CANT1: variants seen among roughly 807,000 people sequenced by gnomAD.
The protein encoded by CANT1 is soluble calcium-activated nucleotidase 1.
CANT1 carries 26 observed loss-of-function variants against 30.0 expected under a neutral mutation model. That is an observed-to-expected ratio of 0.87 (90% CI 0.64 to 1.20). The LOEUF is 1.20. Ranked by LOEUF, CANT1 falls within the 50% of genes most tolerant of loss-of-function variation. CANT1 has a pLI of 0.00. For missense variants in CANT1, 518 were observed against 563.0 expected (o/e 0.92, Z 0.81); for synonymous variants, 246 against 251.8 (o/e 0.98, Z 0.22).
intron 1 of CANT1, among the ~76,000 whole-genome samples, chr17:79,000,699 G>T (rs2071225120): frequency 6.6e-6 from 1 of 152,188 alleles, no homozygotes; most frequent in Non-Finnish European, 1.5e-5. Flanking sequence ...ACTGGCCCTG[G>T]CAGAGCCTGC....
At position 78,998,103 on chromosome 17, in the gene CANT1, G is replaced by A. The variant is rs2071105649; in HGVS notation, c.-146-140C>T. Reference sequence around the variant, plus strand: ...GGAAGCCCTCCCTGACTGCCCTGCTGCAGACATCACCCTCCGTCCCTGGGT... The same window carrying A: ...GGAAGCCCTCCCTGACTGCCCTGCTACAGACATCACCCTCCGTCCCTGGGT... On this transcript the variant is annotated intron_variant, in intron 1 of 4. Coordinates refer to ENST00000392446, the MANE Select transcript of CANT1 (RefSeq NM_001159773.2). The surrounding 1 kb of genome is among the most constrained non-coding windows in gnomAD (Gnocchi z 4.5). The A allele has an allele frequency of 1.0e-5, 2 of 191,538 alleles. No individual in the cohort carries two copies. The highest frequency in any genetic ancestry group is 5.9e-5 in the Admixed American group (1 of 16,874). 11.9% of individuals were successfully genotyped at this position (191,538 alleles called of 1,614,324 possible).
rs765810061 is a variant in CANT1 at position 78,993,674 on chromosome 17, A to G, written c.1082T>C (p.Leu361Pro). The stretch of plus-strand genomic sequence containing the variant: ...TCTGCCGCTGTCCTCCTCGGATTTG[A>G]GGGCCACAATGATCTGGTCGTCGGT... ...PNTDDQIIVA[L>P]KSEEDSGRVA... The change falls in exon 5 of 5, where the codon CTC becomes CCC. Residue 361 changes from leucine to proline, a missense_variant. By Grantham distance (98) the Leu-to-Pro change is moderately conservative. This residue lies in a region of CANT1 where 221 missense variants were observed against 211.8 expected (regional missense o/e 1.04). Coordinates refer to ENST00000392446, the MANE Select transcript of CANT1 (RefSeq NM_001159773.2). The surrounding 1 kb of genome is among the most constrained non-coding windows in gnomAD (Gnocchi z 4.5). 1.2e-6 allele frequency: 2 copies of G among 1,614,212 alleles called. No individual in the cohort carries two copies. Among genetic ancestry groups the G allele is most frequent in the South Asian group, 2.2e-5 (2 of 91,088 alleles).
Position 78,993,354 on chromosome 17 carries a change from A to G in CANT1, c.*196T>C, listed in dbSNP as rs1366644526. 1.5e-6 allele frequency: 1 copy of G among 678,856 alleles called. No individual in the cohort carries two copies. 42.1% of individuals were successfully genotyped at this position (678,856 alleles called of 1,614,324 possible). On this transcript the variant is annotated 3_prime_UTR_variant, in exon 5 of 5. Transcript: ENST00000392446. The surrounding 1 kb of genome is among the most constrained non-coding windows in gnomAD (Gnocchi z 4.5). ...AATCACCACCAGATGGCAGCATGGA[A>G]AGCAGTTCAGACCGCGGCCTCCGTG...
chr17:79,004,214 A>T (rs1268027074), intron 1 of CANT1, among the ~76,000 whole-genome samples: 1 of 21,004 alleles, frequency 4.8e-5, no homozygotes, highest in East Asian at 1.3e-3. Context: ...TAGGGAGGGG[A>T]GTTAGGGAGA....
chr17:78,997,118 C>G lies in CANT1; in HGVS notation c.505G>C (p.Asp169His). 1 of 1,614,186 alleles carries G rather than the reference C, an allele frequency of 6.2e-7. No individual in the cohort carries two copies. The highest frequency in any genetic ancestry group is 1.1e-5 in the South Asian group (1 of 91,084). Residue 169 changes from aspartate (D) to histidine (H), a missense_variant, in exon 3 of 5, where the codon GAC (aspartate) becomes CAC (histidine). Coordinates refer to ENST00000392446, the MANE Select transcript of CANT1 (RefSeq NM_001159773.2). The surrounding 1 kb of genome is among the most constrained non-coding windows in gnomAD (Gnocchi z 7.5). ...AGTTTCCCATTGAAAACAATCAGGT[C>G]GGATAGCTCCATGCCTCTCCCCTTC... ...AEKGRGMELS[D>H]LIVFNGKLYS... is the part of the protein sequence containing the mutation.
In CANT1 at chr17:78,995,446, C is replaced by A. The variant is rs1333751487; in HGVS notation, c.632-225G>T. The stretch of plus-strand genomic sequence containing the variant: ...GACCACTCTCAAGTCTCCTCTGATC[C>A]CCAACTCCCCGCTCCTCAAGCTGTA... On this transcript the variant is annotated intron_variant, in intron 3 of 4. Transcript: ENST00000392446. The surrounding 1 kb of genome is among the most constrained non-coding windows in gnomAD (Gnocchi z 5.7). 6.6e-6 allele frequency among the ~76,000 whole-genome samples: 1 copy of A among 152,208 alleles called. No homozygotes were observed. The highest frequency in any genetic ancestry group is 1.5e-5 in the Non-Finnish European group (1 of 68,040).
At chr17:79,006,384 T>C (rs563679797) in intron 1 of CANT1, among the ~76,000 whole-genome samples, 292 of 146,942 alleles carry the variant, frequency 2.0e-3, no homozygotes, top group Middle Eastern at 3.4e-3. Flanking sequence ...CAGGATCATC[T>C]CACTACTTTA....
rs146866436 is a variant in CANT1, at chr17:78,993,461, C to T, written c.*89G>A. 1.6e-3 allele frequency: 2,592 copies of T among 1,593,216 alleles called. 7 individuals carry two copies. The highest frequency in any genetic ancestry group is 1.8e-3 in the South Asian group (163 of 89,286). On this transcript the variant is annotated 3_prime_UTR_variant, in exon 5 of 5. Transcript: ENST00000392446. The surrounding 1 kb of genome is among the most constrained non-coding windows in gnomAD (Gnocchi z 4.5). ...CAGACCTCCAACCCAGGCACAGTTC[C>T]AAAAAGAACAAAACAAAACAAAAGT...
At position 78,993,652 on chromosome 17, in the gene CANT1, G is replaced by A; in HGVS notation, c.1104C>T (p.Gly368=). The A allele has an allele frequency of 6.2e-7, 1 of 1,614,264 alleles. No individual in the cohort carries two copies. The highest frequency in any genetic ancestry group is 1.1e-5 in the South Asian group (1 of 91,088). Residue 368 remains glycine (G), a synonymous_variant, in exon 5 of 5, where the codon GGC becomes GGT. Coordinates refer to ENST00000392446, the MANE Select transcript of CANT1 (RefSeq NM_001159773.2). The surrounding 1 kb of genome is among the most constrained non-coding windows in gnomAD (Gnocchi z 4.5). ...AGGCCATGATGTAGGAGGCGACTCTGCCGCTGTCCTCCTCGGATTTGAGGG... is the reference window on the plus strand; with the variant it reads ...AGGCCATGATGTAGGAGGCGACTCTACCGCTGTCCTCCTCGGATTTGAGGG... ...IVALKSEEDS[G]RVASYIMAFT...
rs906843279 is a variant in CANT1, at chr17:79,002,996, C to T, written c.-146-5033G>A. Reference sequence around the variant, plus strand: ...CATGGAACCAGAGGTGTCTGAGTCCCGGCGTCTCTGCCCCTCTGGGGAATC... The same window carrying T: ...CATGGAACCAGAGGTGTCTGAGTCCTGGCGTCTCTGCCCCTCTGGGGAATC... On this transcript the variant is annotated intron_variant, in intron 1 of 4. Transcript: ENST00000392446. This position sits in a 1 kb window ranked among gnomAD's most constrained non-coding sequence, Gnocchi z 4.0. 1.3e-5 allele frequency among the ~76,000 whole-genome samples: 2 copies of T among 152,196 alleles called. No individual in the cohort carries two copies. Among genetic ancestry groups the T allele is most frequent in the African/African-American group, 2.4e-5 (1 of 41,460 alleles).
At chr17:79,007,945 G>A (rs1231471241) in intron 1 of CANT1, 1 of 152,192 alleles carries the variant, frequency 6.6e-6, no homozygotes, top group African/African-American at 2.4e-5. Context: ...ACCACCTTGT[G>A]ACATGTCATT....
In CANT1 at chr17:78,993,646, G is replaced by A. The variant is rs747917422; in HGVS notation, c.1110C>T (p.Val370=). Residue 370 remains valine (V), a synonymous_variant, in exon 5 of 5, where the codon GTC becomes GTT. Transcript: ENST00000392446. This position sits in a 1 kb window ranked among gnomAD's most constrained non-coding sequence, Gnocchi z 4.5. The part of the protein sequence containing the change: ...ALKSEEDSGR[V]ASYIMAFTLD... ...GCGTGAAGGCCATGATGTAGGAGGC[G>A]ACTCTGCCGCTGTCCTCCTCGGATT... 6.2e-7 allele frequency: 1 copy of A among 1,614,114 alleles called. No individual in the cohort carries two copies. Among genetic ancestry groups the A allele is most frequent in the African/African-American group, 1.3e-5 (1 of 74,948 alleles).
At chr17:79,000,929 G>A (rs901228877) in intron 1 of CANT1, among the ~76,000 whole-genome samples, 3 of 152,192 alleles carry the variant, frequency 2.0e-5, no homozygotes, top group Non-Finnish European at 4.4e-5. Flanking sequence ...GCCAGGCAGG[G>A]AGCAGACAGT....
chr17:78,995,290 C>T lies in CANT1; in HGVS notation c.632-69G>A, dbSNP rs532285782. 564 of 1,506,180 alleles carry T rather than the reference C, an allele frequency of 3.7e-4. 3 individuals are homozygous for T. Among genetic ancestry groups the T allele is most frequent in the Admixed American group, 2.6e-3 (141 of 54,796 alleles). 93.3% of individuals were successfully genotyped at this position (1,506,180 alleles called of 1,614,324 possible). A position where few individuals can be genotyped will look rare whatever the true frequency, so the allele number is the denominator to read the frequency against. On this transcript the variant is annotated intron_variant, in intron 3 of 4. Coordinates refer to ENST00000392446, the MANE Select transcript of CANT1 (RefSeq NM_001159773.2). The surrounding 1 kb of genome is among the most constrained non-coding windows in gnomAD (Gnocchi z 5.7). ...CGCACCCCTGCACCTGGCTCCCACCCGGCCCCGCACCTGTCCTTAGACCCC... is the reference window on the plus strand; with the variant it reads ...CGCACCCCTGCACCTGGCTCCCACCTGGCCCCGCACCTGTCCTTAGACCCC...
rs2071098468 is a variant in CANT1, at chr17:78,997,923, GAGGA to G, written c.-110_-107del. 3 of 376,198 alleles carry G rather than the reference GAGGA, an allele frequency of 8.0e-6. No individual in the cohort carries two copies. The highest frequency in any genetic ancestry group is 1.4e-5 in the Non-Finnish European group (3 of 208,314). The allele number at this position is 376,198 out of a possible 1,614,324, so 23.3% of individuals were successfully genotyped here. On this transcript the variant is annotated 5_prime_UTR_variant, in exon 2 of 5. Coordinates refer to ENST00000392446, the MANE Select transcript of CANT1 (RefSeq NM_001159773.2). This position sits in a 1 kb window ranked among gnomAD's most constrained non-coding sequence, Gnocchi z 7.5. ...CAGCTGGCAACGTGGGAAGCTGAGTGAGGAAGGAAGTTCCATGCAGGCTGGTGCT... is the reference window on the plus strand; with the variant it reads ...CAGCTGGCAACGTGGGAAGCTGAGTGAGGAAGTTCCATGCAGGCTGGTGCT...
At position 78,992,737 on chromosome 17, in the gene CANT1, C is replaced by T. The variant is rs535754990; in HGVS notation, c.*813G>A. 7 of 596,118 alleles carry T rather than the reference C, an allele frequency of 1.2e-5. No homozygotes were observed. The highest frequency in any genetic ancestry group is 3.4e-5 in the East Asian group (1 of 29,438). The allele number at this position is 596,118 out of a possible 1,614,324, so 36.9% of individuals were successfully genotyped here. ...TGAGACTTGCTTCACCAGCCGCCAC[C>T]GCTTCCTTACAATCTCCCGCACTGC... On this transcript the variant is annotated 3_prime_UTR_variant, in exon 5 of 5. Transcript: ENST00000392446.
At position 78,995,177 on chromosome 17, in the gene CANT1, C is replaced by T. The variant is rs377546036; in HGVS notation, c.676G>A (p.Val226Met). Residue 226 changes from valine to methionine, a missense_variant, in exon 4 of 5, where the codon GTG (valine) becomes ATG (methionine). Val to Met is a conservative substitution (Grantham distance 21, BLOSUM62 1). This residue lies in a region of CANT1 where 48 missense variants were observed against 82.5 expected (regional missense o/e 0.58). Coordinates refer to ENST00000392446, the MANE Select transcript of CANT1 (RefSeq NM_001159773.2). The surrounding 1 kb of genome is among the most constrained non-coding windows in gnomAD (Gnocchi z 5.7). ...GTCCACTCCTTGCCCAGGCCGCCCA[C>T]GTACAGACGCTCGTCCTTCACTGCC... is the stretch of plus-strand genomic sequence containing the variant. The part of the protein sequence containing the change: ...WLAVKDERLY[V>M]GGLGKEWTTT... The T allele has an allele frequency of 2.3e-5, 37 of 1,613,756 alleles. No individual in the cohort carries two copies. In the East Asian group the frequency reaches 4.5e-4, roughly 19 times the overall value.
chr17:79,000,665 G>C (rs138842684), intron 1 of CANT1, among the ~76,000 whole-genome samples: 52 of 152,272 alleles, frequency 3.4e-4, no homozygotes, highest in Admixed American at 5.9e-4. Context: ...TGGCTACATA[G>C]ACCTCCTTCT....
rs56201615 is a variant in CANT1 at position 78,995,954 on chromosome 17, T to C, written c.632-733A>G. ...TGCTTGTGCGATGAGACATTCTCCATGCCAGGGTCTTCCATCCCTCCCGGA... is the reference window on the plus strand; with the variant it reads ...TGCTTGTGCGATGAGACATTCTCCACGCCAGGGTCTTCCATCCCTCCCGGA... On this transcript the variant is annotated intron_variant, in intron 3 of 4. Coordinates refer to ENST00000392446, the MANE Select transcript of CANT1 (RefSeq NM_001159773.2). This position sits in a 1 kb window ranked among gnomAD's most constrained non-coding sequence, Gnocchi z 5.7. Among the ~76,000 whole-genome samples the C allele has an allele frequency of 0.039, 5,914 of 152,184 alleles. 164 individuals carry two copies. Among genetic ancestry groups the C allele is most frequent in the African/African-American group, 0.066 (2,746 of 41,532 alleles).
Sources: allele counts gnomAD v4.1 joint callset (sites outside exome capture counted in the v4.1 genomes callset), GRCh38; gene constraint gnomAD v4.1.1; regional missense constraint gnomAD v4.1.1; non-coding constraint Gnocchi (gnomAD v3.1); transcripts MANE v1.5; gene names NCBI Gene and HGNC (gene_info 2026-07-23, HGNC 2026-07-21).